Variants in MMAA observed in about 807,000 individuals in gnomAD.
MMAA encodes metabolism of cobalamin associated A.
A neutral mutation model predicts 45.0 loss-of-function variants in MMAA; 41 were observed. That is an observed-to-expected ratio of 0.91 (90% confidence interval 0.71 to 1.18). MMAA has a LOEUF of 1.18. Among genes scored for constraint, MMAA ranks in the 50% most tolerant of loss-of-function variants. The pLI, the probability that MMAA is intolerant of heterozygous loss-of-function variation, is 0.00. For missense variants in MMAA, 460 were observed against 495.7 expected, an observed-to-expected ratio of 0.93 and a Z score of 0.68; for synonymous variants, 154 against 178.2, an observed-to-expected ratio of 0.86 and a Z score of 1.08.
intron 1 of MMAA, chr4:145,625,593 C>T: frequency 1.3e-6 from 1 of 788,108 alleles, no homozygotes; most frequent in Non-Finnish European, 2.3e-6. Context: ...GATGGTCTGG[C>T]ACAGAGCAGT....
chr4:145,636,606 C>G (rs1461689137), intron 1 of MMAA, among the ~76,000 whole-genome samples: 1 of 152,156 alleles, frequency 6.6e-6, no homozygotes, highest in Non-Finnish European at 1.5e-5. Context: ...GACCAAGTCC[C>G]AACTCTGATT....
At chr4:145,632,536 A>G (rs1727478095) in intron 1 of MMAA, among the ~76,000 whole-genome samples, 3 of 152,170 alleles carry the variant, frequency 2.0e-5, no homozygotes, top group Non-Finnish European at 4.4e-5. Context: ...GACTATTGAT[A>G]TCTTTCCCTA....
chr4:145,625,834 C>A, intron 1 of MMAA: 3 of 1,227,478 alleles, frequency 2.4e-6, no homozygotes, highest in Non-Finnish European at 3.6e-6. Flanking sequence ...TTTAGTCACA[C>A]CTCATGGCTT....
Position 145,657,129 on chromosome 4 carries a change from G to A in MMAA, c.*1695G>A, listed in dbSNP as rs1198004435. On this transcript the variant is annotated 3_prime_UTR_variant, in exon 7 of 7. Transcript: ENST00000649156. Reference sequence around the variant, plus strand: ...AATGCTGGAGCACACATACTGCATTGTAAAGAAGGTAGGAAAGGTGGGGGG... The same window carrying A: ...AATGCTGGAGCACACATACTGCATTATAAAGAAGGTAGGAAAGGTGGGGGG... The A allele has an allele frequency of 2.0e-5, 3 of 152,182 alleles. No homozygotes were observed. 9.4% of individuals were successfully genotyped at this position (152,182 alleles called of 1,614,324 possible).
In MMAA at chr4:145,659,817, T is replaced by C. The variant is rs1177539316; in HGVS notation, c.*4383T>C. ...ATCATTTCTTTGTGGCGAGAACATT[T>C]AAAAATCCTATTTTCTAGCTATTTT... On this transcript the variant is annotated 3_prime_UTR_variant, in exon 7 of 7. Transcript: ENST00000649156. 1 of 152,210 alleles carries C rather than the reference T, an allele frequency of 6.6e-6. No homozygotes were observed. Among genetic ancestry groups the C allele is most frequent in the Non-Finnish European group, 1.5e-5 (1 of 68,050 alleles). 9.4% of individuals were successfully genotyped at this position (152,210 alleles called of 1,614,324 possible). A position where few individuals can be genotyped will look rare whatever the true frequency, so the allele number is the denominator to read the frequency against.
At position 145,660,006 on chromosome 4, in the gene MMAA, T is replaced by G. The variant is rs966406477; in HGVS notation, c.*4572T>G. 2.0e-5 allele frequency: 3 copies of G among 152,110 alleles called. No homozygotes were observed. Among genetic ancestry groups the G allele is most frequent in the Non-Finnish European group, 2.9e-5 (2 of 68,034 alleles). The allele number at this position is 152,110 out of a possible 1,614,324, so 9.4% of individuals were successfully genotyped here. ...CTCTGGTAACCACTGTTCTGTTCCC[T>G]ATGAGATAAAACTTTTTTTGTCTTC... On this transcript the variant is annotated 3_prime_UTR_variant, in exon 7 of 7. Transcript: ENST00000649156.
intron 4 of MMAA, among the ~76,000 whole-genome samples, chr4:145,649,719 G>A (rs1245652935): frequency 2.0e-5 from 3 of 151,914 alleles, no homozygotes; most frequent in Non-Finnish European, 4.4e-5. Context: ...TATTAAATAG[G>A]CAACTAGAAG....
In MMAA at chr4:145,654,007, G is replaced by T; in HGVS notation, c.833G>T (p.Gly278Val). Reference sequence around the variant, plus strand: ...TGATCTCTTTAGGGTATCAAAAGGGGTATAATCGAGATGGCAGATCTGGTA... The same window carrying T: ...TGATCTCTTTAGGGTATCAAAAGGGTTATAATCGAGATGGCAGATCTGGTA... ...GGDELQGIKR[G>V]IIEMADLVAV... Residue 278 changes from glycine (G) to valine (V), a missense_variant, in exon 6 of 7, where the codon GGT becomes GTT. Transcript: ENST00000649156. 5.6e-6 allele frequency: 9 copies of T among 1,614,134 alleles called. No homozygotes were observed. The highest frequency in any genetic ancestry group is 1.1e-5 in the South Asian group (1 of 91,078).
chr4:145,642,848 G>T, intron 3 of MMAA: 1 of 276,918 alleles, frequency 3.6e-6, no homozygotes, highest in Non-Finnish European at 7.1e-6. Flanking sequence ...CAGAAAATAG[G>T]TCCTTACTCA....
chr4:145,651,346 A>G (rs1262658497), intron 5 of MMAA, among the ~76,000 whole-genome samples, 199 bp downstream of exon 5: 1 of 152,200 alleles, frequency 6.6e-6, no homozygotes, highest in Non-Finnish European at 1.5e-5. Flanking sequence ...TGTGTCCTTG[A>G]GAATGTAAAA....
intron 4 of MMAA, chr4:145,646,479 A>G (rs1009021872): frequency 1.6e-5 from 5 of 312,438 alleles, no homozygotes; most frequent in African/African-American, 8.7e-5. Context: ...AGTACATTTC[A>G]TATGTCTACT....
chr4:145,625,094 T>G (rs781548798), intron 1 of MMAA: 11 of 1,007,908 alleles, frequency 1.1e-5, no homozygotes, highest in Non-Finnish European at 1.7e-5. Flanking sequence ...ATGGGATTCC[T>G]GGAGAGTCAC....
rs1728250947 is a variant in MMAA, at chr4:145,656,986, C to A, written c.*1552C>A. The stretch of plus-strand genomic sequence containing the variant: ...TTTAGAAAGGACTACCATTAAACCA[C>A]CCTATCAGACAAAAAAAACTGGTTT... On this transcript the variant is annotated 3_prime_UTR_variant, in exon 7 of 7. Coordinates refer to ENST00000649156, the MANE Select transcript of MMAA (RefSeq NM_172250.3). The A allele has an allele frequency of 6.6e-6, 1 of 152,142 alleles. No individual in the cohort carries two copies. The highest frequency in any genetic ancestry group is 6.5e-5 in the Admixed American group (1 of 15,282). 9.4% of individuals were successfully genotyped at this position (152,142 alleles called of 1,614,324 possible).
intron 3 of MMAA, chr4:145,642,789 C>T (rs1727823431): frequency 2.7e-6 from 1 of 369,504 alleles, no homozygotes; most frequent in African/African-American, 2.1e-5. Context: ...AGGCCAGGCC[C>T]CTCTTTGCTC....
chr4:145,653,675 G>A (rs919316355), intron 5 of MMAA, among the ~76,000 whole-genome samples: 8 of 152,174 alleles, frequency 5.3e-5, no homozygotes, highest in Non-Finnish European at 1.0e-4. Flanking sequence ...TGTTAGCTCA[G>A]GAGAAGCACA....
intron 1 of MMAA, chr4:145,624,882 T>C: frequency 1.2e-6 from 2 of 1,603,038 alleles, no homozygotes; most frequent in South Asian, 1.1e-5. Context: ...GCTGGGGGTG[T>C]ACAATGGTTT....
At chr4:145,634,525 G>A (rs1184071227) in intron 1 of MMAA, among the ~76,000 whole-genome samples, 5 of 151,954 alleles carry the variant, frequency 3.3e-5, no homozygotes, top group African/African-American at 9.7e-5. Context: ...TGGAACTGGG[G>A]ACCCGAAGAG....
At chr4:145,644,741 G>A (rs1317160469) in intron 3 of MMAA, among the ~76,000 whole-genome samples, 4 of 152,228 alleles carry the variant, frequency 2.6e-5, no homozygotes, top group Non-Finnish European at 5.9e-5. Flanking sequence ...ACGTGGTCCT[G>A]TAGGCAAAGA....
At chr4:145,649,162 G>T (rs535304556) in intron 4 of MMAA, among the ~76,000 whole-genome samples, 117 of 150,512 alleles carry the variant, frequency 7.8e-4, no homozygotes, top group Non-Finnish European at 1.2e-3. Flanking sequence ...GCCAGGCATT[G>T]TGTTACACAC....
Sources: gnomAD v4.1 joint callset for allele counts (sites outside exome capture counted in the v4.1 genomes callset) on GRCh38, gnomAD v4.1.1 for gene constraint, MANE v1.5 for transcripts, NCBI Gene and HGNC (gene_info 2026-07-23, HGNC 2026-07-21) for gene names.